ATP2B2: variants seen among roughly 807,000 people sequenced by gnomAD.
ATP2B2 encodes ATPase plasma membrane Ca2+ transporting 2, also known as plasma membrane calcium-transporting ATPase 2.
Under a neutral mutation model 120.0 loss-of-function variants are expected in ATP2B2, and 15 were observed. That is an observed-to-expected ratio of 0.12 (90% CI 0.08 to 0.19). The LOEUF (loss-of-function observed/expected upper bound fraction) is 0.19, where lower values mean the gene tolerates loss of function less well. Ranked by LOEUF, ATP2B2 falls within the 10% of genes least tolerant of loss-of-function variation. The pLI is 1.00. For synonymous variants in ATP2B2, 694 were observed against 700.3 expected, an observed-to-expected ratio of 0.99 and a Z score of 0.14; for missense variants, 1,045 against 1,719.8, an observed-to-expected ratio of 0.61 and a Z score of 6.94.
intron 1 of ATP2B2, among the ~76,000 whole-genome samples, chr3:10,680,530 G>A (rs77981317): frequency 0.011 from 1,636 of 152,218 alleles, 18 homozygotes; most frequent in South Asian, 0.051. Flanking sequence ...GCAGGCCATC[G>A]TGTCCTGATG....
At chr3:10,566,998 A>G (rs1275847770) in intron 2 of ATP2B2, among the ~76,000 whole-genome samples, 2 of 152,218 alleles carry the variant, frequency 1.3e-5, no homozygotes, top group East Asian at 1.9e-4. Flanking sequence ...TAGGTCTTCA[A>G]TGTGTGGGGC....
intron 2 of ATP2B2, among the ~76,000 whole-genome samples, chr3:10,419,420 C>T (rs3774147): frequency 0.091 from 13,794 of 152,218 alleles, 2,015 homozygotes; most frequent in African/African-American, 0.31. Flanking sequence ...CTACCACCAC[C>T]GTACACCACT....
intron 2 of ATP2B2, among the ~76,000 whole-genome samples, chr3:10,540,207 A>G (rs1204618766): frequency 6.6e-6 from 1 of 152,224 alleles, no homozygotes; most frequent in Non-Finnish European, 1.5e-5. Flanking sequence ...ATCATTAAAA[A>G]GTCAGGAAAC....
At chr3:10,574,485 C>T (rs1421553531) in intron 2 of ATP2B2, among the ~76,000 whole-genome samples, 1 of 152,210 alleles carries the variant, frequency 6.6e-6, no homozygotes, top group Non-Finnish European at 1.5e-5. Context: ...AAGGGGCATT[C>T]TCCATATCAA....
chr3:10,421,026 T>C (rs2062960058), intron 2 of ATP2B2, among the ~76,000 whole-genome samples: 1 of 152,138 alleles, frequency 6.6e-6, no homozygotes, highest in African/African-American at 2.4e-5. Context: ...CCTGGGGACT[T>C]GTTAGAAATG....
In ATP2B2 at chr3:10,357,992, C is replaced by T. The variant is rs79982579; in HGVS notation, c.2136+699G>A. On this transcript the variant is annotated intron_variant, in intron 14 of 22. Coordinates refer to ENST00000360273, the MANE Select transcript of ATP2B2 (RefSeq NM_001001331.4). ...AGATTCAGCTAAAGGAGAATGAAGA[C>T]CTACTGTGTGCTGAGCACCCCACTA... Among the ~76,000 whole-genome samples the T allele has an allele frequency of 2.6e-4, 40 of 152,348 alleles. 1 individual carries two copies. The East Asian group carries it at 3.3e-3, about 13-fold the overall frequency.
intron 8 of ATP2B2, among the ~76,000 whole-genome samples, chr3:10,381,187 CA>C (rs775596116): frequency 1.3e-5 from 2 of 152,210 alleles, no homozygotes; most frequent in Non-Finnish European, 2.9e-5. Flanking sequence ...CCTCCCATGG[CA>C]AAGGATCAGT....
chr3:10,388,104 A>G (rs2061734779), intron 6 of ATP2B2, 173 bp downstream of exon 6: 1 of 886,118 alleles, frequency 1.1e-6, no homozygotes, highest in Non-Finnish European at 1.8e-6. Context: ...TGGAGATGGA[A>G]CAGACAGAGC....
At chr3:10,354,731 G>C (rs938274370) in intron 14 of ATP2B2, among the ~76,000 whole-genome samples, 2 of 152,222 alleles carry the variant, frequency 1.3e-5, no homozygotes, top group Non-Finnish European at 2.9e-5. Context: ...TCAACCCCTT[G>C]ACAGCCAGGG....
At chr3:10,550,724 T>C (rs963408143) in intron 2 of ATP2B2, among the ~76,000 whole-genome samples, 10 of 152,148 alleles carry the variant, frequency 6.6e-5, no homozygotes, top group African/African-American at 1.9e-4. Flanking sequence ...ACTCCTCTGA[T>C]TATAGCAAGG....
intron 1 of ATP2B2, among the ~76,000 whole-genome samples, chr3:10,686,043 CTTTT>C (rs34073958): frequency 6.4e-5 from 6 of 93,222 alleles, no homozygotes; most frequent in Non-Finnish European, 8.4e-5. Flanking sequence ...TTCCTCCTTT[CTTTT>C]TTTTTTTTTT....
At chr3:10,618,443 T>G (rs1214020214) in intron 2 of ATP2B2, among the ~76,000 whole-genome samples, 1 of 152,020 alleles carries the variant, frequency 6.6e-6, no homozygotes, top group Non-Finnish European at 1.5e-5. Flanking sequence ...AGGAGCTGAG[T>G]GTGGAGAGGA....
chr3:10,520,813 T>C (rs1359760291), intron 3 of ATP2B2, among the ~76,000 whole-genome samples: 1 of 151,900 alleles, frequency 6.6e-6, no homozygotes, highest in Non-Finnish European at 1.5e-5. Context: ...AGTGCCTTTC[T>C]ATTTTGATTT....
At chr3:10,331,981 A>G (rs773444982) in intron 22 of ATP2B2, 107 of 1,549,876 alleles carry the variant, frequency 6.9e-5, no homozygotes, top group Non-Finnish European at 6.8e-5. Flanking sequence ...AAGACTCACA[A>G]CCTCTTTTAA....
At chr3:10,645,749 G>A (rs2070305359) in intron 1 of ATP2B2, among the ~76,000 whole-genome samples, 1 of 152,134 alleles carries the variant, frequency 6.6e-6, no homozygotes, top group Non-Finnish European at 1.5e-5. Flanking sequence ...GTCCCCTAAG[G>A]TCCCAATTTC....
At position 10,375,606 on chromosome 3, in the gene ATP2B2, G is replaced by T; in HGVS notation, c.1240C>A (p.Leu414Ile). 1 of 1,613,808 alleles carries T rather than the reference G, an allele frequency of 6.2e-7. No individual in the cohort carries two copies. The highest frequency in any genetic ancestry group is 8.5e-7 in the Non-Finnish European group (1 of 1,180,026). ...ACGAAGGTGTCCACAGTGAAGTAGA[G>T]CACCAGGATGATCACCGTGATGGCT... ...MSAITVIILV[L>I]YFTVDTFVVN... Residue 414 changes from leucine to isoleucine, a missense_variant, in exon 11 of 23, where the codon CTC (leucine) becomes ATC (isoleucine). Coordinates refer to ENST00000360273, the MANE Select transcript of ATP2B2 (RefSeq NM_001001331.4). This position sits in a 1 kb window ranked among gnomAD's most constrained non-coding sequence, Gnocchi z 4.2.
chr3:10,349,972 T>A (rs1231771478), intron 16 of ATP2B2, 140 bp downstream of exon 16: 1 of 833,050 alleles, frequency 1.2e-6, no homozygotes, highest in Non-Finnish European at 1.9e-6. Context: ...GGGGGTGACA[T>A]AAGGCTGTGC....
At chr3:10,413,998 T>C (rs1457317670) in intron 2 of ATP2B2, among the ~76,000 whole-genome samples, 1 of 152,184 alleles carries the variant, frequency 6.6e-6, no homozygotes, top group Non-Finnish European at 1.5e-5. Context: ...GAGCTACAGT[T>C]TCCCCATTTC....
At chr3:10,333,826 T>C (rs2060045756) in intron 22 of ATP2B2, among the ~76,000 whole-genome samples, 1 of 152,148 alleles carries the variant, frequency 6.6e-6, no homozygotes. Context: ...GGGCAAGGAC[T>C]GTCAAGTTGG....
Sources: gnomAD v4.1 joint callset for allele counts (sites outside exome capture counted in the v4.1 genomes callset) on GRCh38, gnomAD v4.1.1 for gene constraint, Gnocchi (gnomAD v3.1) non-coding constraint, MANE v1.5 for transcripts, NCBI Gene and HGNC (gene_info 2026-07-23, HGNC 2026-07-21) for gene names.